TRPM7: variants seen among roughly 807,000 people sequenced by gnomAD.
TRPM7 encodes the protein transient receptor potential cation channel subfamily M member 7.
Under a neutral mutation model 229.7 loss-of-function variants are expected in TRPM7, and 134 were observed. The ratio of observed to expected loss-of-function variants is 0.58; its 90% CI spans 0.51 to 0.67. The LOEUF is 0.67. Ranked by LOEUF, TRPM7 falls within the 30% of genes least tolerant of loss-of-function variation. TRPM7 has a pLI of 0.00. For synonymous variants in TRPM7, 699 were observed against 715.2 expected (o/e 0.98, Z 0.36); for missense variants, 1,901 against 2,210.0 (o/e 0.86, Z 2.80).
chr15:50,574,577 A>G, intron 35 of TRPM7, 60 bp downstream of exon 35: 1 of 1,545,662 alleles, frequency 6.5e-7, no homozygotes. Context: ...TCAAAAATGA[A>G]GGTCAAAAGG....
At chr15:50,674,103 C>T (rs1287083915) in intron 1 of TRPM7, among the ~76,000 whole-genome samples, 1 of 152,206 alleles carries the variant, frequency 6.6e-6, no homozygotes, top group African/African-American at 2.4e-5. Flanking sequence ...ATTCTCCTGT[C>T]TCAGCCTCTG....
At chr15:50,667,756 A>C (rs1397168980) in intron 1 of TRPM7, among the ~76,000 whole-genome samples, 2 of 152,192 alleles carry the variant, frequency 1.3e-5, no homozygotes, top group African/African-American at 4.8e-5. Context: ...AAATTGGATC[A>C]ATTTGTCTAT....
At position 50,559,280 on chromosome 15, in the gene TRPM7, T is replaced by G. The variant is rs2053224829; in HGVS notation, c.*2398A>C. ...GTTGGTCAGGCTGGTCTCGAACTCC[T>G]GACCTTGTGATCCGCCCACCTTGGC... On this transcript the variant is annotated 3_prime_UTR_variant, in exon 39 of 39. Transcript: ENST00000646667. 1 of 152,196 alleles carries G rather than the reference T, an allele frequency of 6.6e-6. No individual in the cohort carries two copies. Among genetic ancestry groups the G allele is most frequent in the Non-Finnish European group, 1.5e-5 (1 of 68,104 alleles). 9.4% of individuals were successfully genotyped at this position (152,196 alleles called of 1,614,324 possible).
chr15:50,662,230 G>A (rs1171979236), intron 2 of TRPM7, among the ~76,000 whole-genome samples: 1 of 151,796 alleles, frequency 6.6e-6, no homozygotes, highest in Non-Finnish European at 1.5e-5. Context: ...GCACATGCCT[G>A]TAGTCCCAGC....
chr15:50,648,386 T>C (rs2061329453), intron 4 of TRPM7, among the ~76,000 whole-genome samples: 1 of 152,068 alleles, frequency 6.6e-6, no homozygotes, highest in African/African-American at 2.4e-5. Flanking sequence ...TAAAAACAAT[T>C]AAAAGACATC....
In TRPM7 at chr15:50,592,024, C is replaced by G; in HGVS notation, c.4211G>C (p.Ser1404Thr). Residue 1404 changes from serine (S) to threonine (T), a missense_variant, in exon 26 of 39, where the codon AGT (serine) becomes ACT (threonine). Ser to Thr is a moderately conservative substitution (Grantham distance 58, BLOSUM62 1). This residue lies in a region of TRPM7 where 533 missense variants were observed against 497.1 expected (regional missense o/e 1.07). Transcript: ENST00000646667. ...TTTGCAACTTGGCTGAGATGGTGTA[C>G]TAACAAAAAATTTGGTTGGTGGGGA... ...LSSPPTKFFVSTPSQPSCKSH... is the reference protein window; with the variant it reads ...LSSPPTKFFVTTPSQPSCKSH... 1 of 1,613,382 alleles carries G rather than the reference C, an allele frequency of 6.2e-7. No individual in the cohort carries two copies. The highest frequency in any genetic ancestry group is 1.7e-4 in the Middle Eastern group (1 of 6,060).
At chr15:50,598,175 T>G (rs905046174) in intron 22 of TRPM7, among the ~76,000 whole-genome samples, 19 of 151,870 alleles carry the variant, frequency 1.3e-4, no homozygotes, top group African/African-American at 4.6e-4. Context: ...GAGGTAAGAA[T>G]GAAGGAAGAA....
At chr15:50,590,851 T>A (rs907812371) in intron 26 of TRPM7, among the ~76,000 whole-genome samples, 1 of 150,770 alleles carries the variant, frequency 6.6e-6, no homozygotes, top group Non-Finnish European at 1.5e-5. Flanking sequence ...AGGGGGAATA[T>A]ATTTAACGTA....
chr15:50,594,173 C>T (rs1438322766), intron 24 of TRPM7, among the ~76,000 whole-genome samples: 1 of 152,116 alleles, frequency 6.6e-6, no homozygotes, highest in African/African-American at 2.4e-5. Context: ...GTTTGTAGAA[C>T]AACAAAGAAG....
intron 1 of TRPM7, among the ~76,000 whole-genome samples, chr15:50,679,530 A>ATTTTT (rs1437316049): frequency 4.5e-5 from 2 of 44,852 alleles, no homozygotes; most frequent in African/African-American, 2.1e-4. Flanking sequence ...ATATATATAT[A>ATTTTT]TATATATATT....
chr15:50,578,726 T>A, intron 30 of TRPM7, 62 bp from the exon 31 acceptor site: 1 of 1,276,634 alleles, frequency 7.8e-7, no homozygotes, highest in South Asian at 1.9e-5. Context: ...GGCTATCATT[T>A]AATTTTTTGA....
At chr15:50,582,655 A>T (rs1219604840) in intron 29 of TRPM7, among the ~76,000 whole-genome samples, 5 of 152,224 alleles carry the variant, frequency 3.3e-5, no homozygotes, top group African/African-American at 1.2e-4. Flanking sequence ...TCTATGCCAG[A>T]ACAGATATAT....
intron 9 of TRPM7, 81 bp downstream of exon 9, chr15:50,632,788 T>C: frequency 2.3e-6 from 3 of 1,297,462 alleles, no homozygotes; most frequent in Non-Finnish European, 3.1e-6. Flanking sequence ...AAAACAAAAG[T>C]ATTTCACCAG....
chr15:50,650,125 G>A (rs566447392), intron 3 of TRPM7, among the ~76,000 whole-genome samples: 14 of 140,852 alleles, frequency 9.9e-5, no homozygotes, highest in South Asian at 6.7e-4. Context: ...CCTGGGAGGC[G>A]CAGACCACAG....
chr15:50,660,469 A>G (rs998499232), intron 2 of TRPM7, among the ~76,000 whole-genome samples: 3 of 152,136 alleles, frequency 2.0e-5, no homozygotes, highest in African/African-American at 7.2e-5. Context: ...CCTGACCAAC[A>G]TGGTGAAACC....
At chr15:50,579,124 T>C (rs1302878624) in intron 30 of TRPM7, among the ~76,000 whole-genome samples, 5 of 152,126 alleles carry the variant, frequency 3.3e-5, no homozygotes, top group African/African-American at 1.2e-4. Context: ...TGTTGAAAAA[T>C]ATTTCTCCCA....
chr15:50,580,999 T>C (rs2054379087), intron 29 of TRPM7, 91 bp from the exon 30 acceptor site: 1 of 1,370,430 alleles, frequency 7.3e-7, no homozygotes, highest in Non-Finnish European at 9.8e-7. Flanking sequence ...TTCTTATATT[T>C]TAAGAATGAA....
intron 4 of TRPM7, among the ~76,000 whole-genome samples, chr15:50,645,576 T>A (rs555803212): frequency 1.3e-5 from 2 of 152,226 alleles, no homozygotes; most frequent in South Asian, 4.1e-4. Flanking sequence ...AGGTGATCCA[T>A]CTGCCTTGGC....
At chr15:50,565,556 A>T (rs1438727509) in intron 38 of TRPM7, among the ~76,000 whole-genome samples, 1 of 152,222 alleles carries the variant, frequency 6.6e-6, no homozygotes, top group Non-Finnish European at 1.5e-5. Flanking sequence ...TAACAATAGT[A>T]TATGTGTATG....
Sources: gnomAD v4.1 joint callset for allele counts (sites outside exome capture counted in the v4.1 genomes callset) on GRCh38, gnomAD v4.1.1 for gene constraint, gnomAD v4.1.1 regional missense constraint, MANE v1.5 for transcripts, NCBI Gene and HGNC (gene_info 2026-07-23, HGNC 2026-07-21) for gene names.